The following SASH1 variants were observed in gnomAD, a reference collection of about 807,000 sequenced individuals.
SASH1 encodes SAM and SH3 domain containing 1.
SASH1 carries 44 observed loss-of-function variants against 125.2 expected under a neutral mutation model. The ratio of observed to expected loss-of-function variants is 0.35; its 90% confidence interval spans 0.28 to 0.45. The LOEUF (loss-of-function observed/expected upper bound fraction) is 0.45. SASH1 is among the 20% of genes least tolerant of loss of function. The pLI is 1.00. For synonymous variants in SASH1, 639 were observed against 649.1 expected (o/e 0.98, Z 0.24); for missense variants, 1,426 against 1,614.5 (o/e 0.88, Z 2.00).
chr6:148,543,169 G>A (rs1169408080), intron 17 of SASH1, among the ~76,000 whole-genome samples: 2 of 152,092 alleles, frequency 1.3e-5, no homozygotes, highest in Non-Finnish European at 2.9e-5. Flanking sequence ...ATTGCTTCTA[G>A]GATAAACTTA....
At chr6:148,471,300 A>G (rs948327697) in intron 5 of SASH1, 117 bp from the exon 6 acceptor site, 2 of 662,182 alleles carry the variant, frequency 3.0e-6, no homozygotes, top group Admixed American at 6.4e-5. Context: ...CCTTTTGTGA[A>G]ATCAAAGTAT....
chr6:148,385,905 C>T (rs888903547), intron 1 of SASH1, among the ~76,000 whole-genome samples: 7 of 152,134 alleles, frequency 4.6e-5, no homozygotes, highest in African/African-American at 1.7e-4. Flanking sequence ...TAGTGTTTCC[C>T]CAAGTTTTCC....
At chr6:148,272,917 A>G (rs1425256464) in intron 1 of SASH1, among the ~76,000 whole-genome samples, 2 of 152,138 alleles carry the variant, frequency 1.3e-5, no homozygotes, top group East Asian at 3.8e-4. Flanking sequence ...CTCTGTGGAA[A>G]TCGTATTCTA....
the SASH1 span, among the ~76,000 whole-genome samples, chr6:148,242,090 G>C: frequency 1.4e-4 from 21 of 152,148 alleles, no homozygotes; most frequent in Non-Finnish European, 2.5e-4. Flanking sequence ...TCCACACACG[G>C]ACATCGTAAG....
chr6:148,393,672 T>G lies in SASH1; in HGVS notation c.285+3410T>G, dbSNP rs547467656. 33 of 983,750 alleles carry G rather than the reference T, an allele frequency of 3.4e-5. No homozygotes were observed. In the African/African-American group the frequency reaches 4.9e-4, roughly 15 times the overall value. The allele number at this position is 983,750 out of a possible 1,614,324, so 60.9% of individuals were successfully genotyped here. A position where few individuals can be genotyped will look rare whatever the true frequency, so the allele number is the denominator to read the frequency against. On this transcript the variant is annotated intron_variant, in intron 2 of 19. Transcript: ENST00000367467. The stretch of plus-strand genomic sequence containing the variant: ...TCCTTCTCATTCAAACAGATGGGGC[T>G]AATTTGGCGTGCTCTGTTCCAAAAC...
the SASH1 span, among the ~76,000 whole-genome samples, chr6:148,220,491 C>T: frequency 0.019 from 2,932 of 152,224 alleles, 95 homozygotes; most frequent in African/African-American, 0.067. Flanking sequence ...TTAATTCTAG[C>T]GGGACATATT....
intron 2 of SASH1, among the ~76,000 whole-genome samples, chr6:148,405,484 T>C (rs1784339631): frequency 6.6e-6 from 1 of 152,148 alleles, no homozygotes; most frequent in South Asian, 2.1e-4. Flanking sequence ...AGAATGAAGA[T>C]ACCAAGGAAC....
chr6:148,345,713 C>T (rs1398765936), intron 1 of SASH1, among the ~76,000 whole-genome samples: 1 of 152,110 alleles, frequency 6.6e-6, no homozygotes, highest in Non-Finnish European at 1.5e-5. Context: ...CATTTCCTTC[C>T]TTTTTTATTT....
rs1860969 is a variant in SASH1, at chr6:148,527,997, G to C, written c.1428+401G>C. On this transcript the variant is annotated intron_variant, in intron 12 of 19. Transcript: ENST00000367467. ...TAAAGCTTTTTTTTTTTGGGGGGGG[G>C]GGTGGCAGTAGACTTGTCGATCATA... 2.8e-3 allele frequency among the ~76,000 whole-genome samples: 365 copies of C among 131,470 alleles called. 11 individuals carry two copies. Among genetic ancestry groups the C allele is most frequent in the African/African-American group, 9.5e-3 (324 of 34,194 alleles). 86.2% of individuals were successfully genotyped at this position (131,470 alleles called of 152,430 possible).
In SASH1 at chr6:148,337,144, C is replaced by T. The variant is rs531910719; in HGVS notation, n.75-52990C>T. 4.6e-5 allele frequency among the ~76,000 whole-genome samples: 7 copies of T among 152,166 alleles called. No individual in the cohort carries two copies. In the East Asian group the frequency reaches 9.6e-4, roughly 21 times the overall value. On this transcript the variant is annotated intron_variant and non_coding_transcript_variant, in intron 1 of 3. Coordinates refer to the SASH1 transcript ENST00000367469. Reference sequence around the variant, plus strand: ...TGCAATCTCGGCTCACTGCAACCTCCGCCTCTCGGGCTAAAGTGATCCTCC... The same window carrying T: ...TGCAATCTCGGCTCACTGCAACCTCTGCCTCTCGGGCTAAAGTGATCCTCC...
chr6:148,223,943 A>G, the SASH1 span, among the ~76,000 whole-genome samples: 2 of 152,236 alleles, frequency 1.3e-5, no homozygotes, highest in South Asian at 2.1e-4. Context: ...AATCTAAAAT[A>G]TCACTTTACC....
At chr6:148,241,222 G>T in the SASH1 span, among the ~76,000 whole-genome samples, 3 of 152,306 alleles carry the variant, frequency 2.0e-5, no homozygotes, top group African/African-American at 7.2e-5. Flanking sequence ...TGAAGAAATA[G>T]TTGGAAGAGG....
upstream of SASH1, among the ~76,000 whole-genome samples, chr6:148,267,659 T>C (rs1329007342): frequency 2.6e-5 from 4 of 152,116 alleles, no homozygotes; most frequent in Non-Finnish European, 4.4e-5. Flanking sequence ...ATTACAGACA[T>C]GAGTCACCGT....
At chr6:148,303,945 A>G (rs1358877622) in intron 1 of SASH1, among the ~76,000 whole-genome samples, 2 of 152,210 alleles carry the variant, frequency 1.3e-5, no homozygotes, top group African/African-American at 4.8e-5. Flanking sequence ...AGCTAAAACA[A>G]TGCTCAGAAG....
chr6:148,318,397 A>G (rs761681620), intron 1 of SASH1, among the ~76,000 whole-genome samples: 5 of 152,202 alleles, frequency 3.3e-5, no homozygotes, highest in Non-Finnish European at 7.3e-5. Context: ...TTAGTTCAAA[A>G]TCATATCATC....
rs575764352 is a variant in SASH1 at position 148,291,614 on chromosome 6, G to T, written n.74+19237G>T. Among the ~76,000 whole-genome samples the T allele has an allele frequency of 3.9e-5, 6 of 152,198 alleles. No homozygotes were observed. In the South Asian group the frequency reaches 1.2e-3, roughly 32 times the overall value. On this transcript the variant is annotated intron_variant and non_coding_transcript_variant, in intron 1 of 3. Coordinates refer to the SASH1 transcript ENST00000367469. ...TGGGTGGATCGCTTGAGCCTAGGAG[G>T]TCAATGCTGCATTGAGTTGTGATCA...
At chr6:148,204,997 G>A in the SASH1 span, among the ~76,000 whole-genome samples, 1 of 152,084 alleles carries the variant, frequency 6.6e-6, no homozygotes. Context: ...AGGAGATTGG[G>A]GTATTATCTC....
intron 8 of SASH1, among the ~76,000 whole-genome samples, chr6:148,494,748 C>T (rs556086286): frequency 8.3e-4 from 127 of 152,336 alleles, no homozygotes; most frequent in African/African-American, 2.9e-3. Context: ...ACCATATGTA[C>T]ATTTTTGTCA....
At chr6:148,238,292 C>T in the SASH1 span, among the ~76,000 whole-genome samples, 3 of 151,998 alleles carry the variant, frequency 2.0e-5, no homozygotes, top group African/African-American at 4.8e-5. Context: ...GGCGCAATCT[C>T]GGCCCACCAC....
Sources: gnomAD v4.1 joint callset for allele counts (sites outside exome capture counted in the v4.1 genomes callset) on GRCh38, gnomAD v4.1.1 for gene constraint, MANE v1.5 for transcripts, NCBI Gene and HGNC (gene_info 2026-07-23, HGNC 2026-07-21) for gene names.